CCDC141: variants seen among roughly 807,000 people sequenced by gnomAD.
The protein encoded by CCDC141 is coiled-coil domain-containing protein 141.
Under a neutral mutation model 181.0 loss-of-function variants are expected in CCDC141, and 168 were observed. The observed-to-expected ratio is 0.93, with a 90% CI of 0.82 to 1.05. The LOEUF (loss-of-function observed/expected upper bound fraction) is 1.05, where lower values mean the gene tolerates loss of function less well. Among genes scored for constraint, CCDC141 ranks in the 50% least tolerant of loss-of-function variants. CCDC141 has a pLI of 0.00. For synonymous variants in CCDC141, 666 were observed against 642.3 expected, an observed-to-expected ratio of 1.04 and a Z score of -0.56; for missense variants, 1,902 against 1,788.5, an observed-to-expected ratio of 1.06 and a Z score of -1.14.
intron 5 of CCDC141, among the ~76,000 whole-genome samples, chr2:178,951,179 G>T (rs1276592567): frequency 2.0e-5 from 3 of 152,188 alleles, no homozygotes; most frequent in Admixed American, 1.3e-4. Flanking sequence ...CCAGTGTCTT[G>T]GCAATGTGTA....
chr2:179,024,734 T>C (rs2042784773), intron 2 of CCDC141, among the ~76,000 whole-genome samples: 1 of 152,210 alleles, frequency 6.6e-6, no homozygotes, highest in African/African-American at 2.4e-5. Flanking sequence ...AGAATTTCCT[T>C]TTCTCCAAAT....
chr2:178,909,199 A>C (rs753090162), intron 7 of CCDC141, among the ~76,000 whole-genome samples: 1 of 152,186 alleles, frequency 6.6e-6, no homozygotes, highest in African/African-American at 2.4e-5. Context: ...AAATTGAAAG[A>C]CTAAGCATTC....
At chr2:178,994,277 T>G (rs1038708409) in intron 2 of CCDC141, among the ~76,000 whole-genome samples, 3 of 152,216 alleles carry the variant, frequency 2.0e-5, no homozygotes, top group Non-Finnish European at 2.9e-5. Context: ...TTTCCATACA[T>G]CTGCTGAAGT....
At chr2:178,958,168 A>G (rs1046531037) in intron 5 of CCDC141, among the ~76,000 whole-genome samples, 1 of 152,212 alleles carries the variant, frequency 6.6e-6, no homozygotes, top group Non-Finnish European at 1.5e-5. Flanking sequence ...ACGGAGGATT[A>G]TTAGGGCAGT....
At chr2:178,948,724 C>G (rs1469375124) in intron 5 of CCDC141, among the ~76,000 whole-genome samples, 3 of 152,242 alleles carry the variant, frequency 2.0e-5, no homozygotes, top group Non-Finnish European at 4.4e-5. Flanking sequence ...TCCCAGCAGA[C>G]CTGGTTGTTA....
rs1397124695 is a variant in CCDC141, at chr2:179,012,445, TAAC to T, written c.226-33773_226-33771del. On this transcript the variant is annotated intron_variant, in intron 2 of 23. Transcript: ENST00000443758. ...GAAAAATTAGATACCCTGAACAGAC[TAAC>T]AACAAGCAGTGAGATTGAAATGGTA... is the stretch of plus-strand genomic sequence containing the variant. 4.6e-5 allele frequency among the ~76,000 whole-genome samples: 7 copies of T among 151,992 alleles called. No homozygotes were observed. In the East Asian group the frequency reaches 1.4e-3, roughly 29 times the overall value.
At chr2:178,821,581 G>A in the CCDC141 span, among the ~76,000 whole-genome samples, 1 of 152,192 alleles carries the variant, frequency 6.6e-6, no homozygotes, top group African/African-American at 2.4e-5. Flanking sequence ...GAGGGTCAAA[G>A]ATTTTAGTGG....
intron 3 of CCDC141, among the ~76,000 whole-genome samples, chr2:178,976,287 C>G (rs1341165181): frequency 6.6e-6 from 1 of 152,130 alleles, no homozygotes; most frequent in Non-Finnish European, 1.5e-5. Context: ...GGAAAAGTAT[C>G]AGACATAGAA....
intron 4 of CCDC141, among the ~76,000 whole-genome samples, chr2:178,969,730 T>C (rs556807837): frequency 6.6e-6 from 1 of 152,284 alleles, no homozygotes; most frequent in African/African-American, 2.4e-5. Flanking sequence ...AAAGATGTCC[T>C]CTCTCAACAC....
intron 8 of CCDC141, among the ~76,000 whole-genome samples, chr2:178,890,019 C>G (rs953341554): frequency 6.6e-6 from 1 of 152,040 alleles, no homozygotes; most frequent in African/African-American, 2.4e-5. Context: ...GCTCAAAAGG[C>G]ATTTAAAAGC....
chr2:178,879,458 A>C (rs1021122394), intron 11 of CCDC141, among the ~76,000 whole-genome samples: 27 of 152,176 alleles, frequency 1.8e-4, no homozygotes, highest in African/African-American at 6.3e-4. Flanking sequence ...ACATGCCTCT[A>C]TGTTTTGCTG....
intron 7 of CCDC141, among the ~76,000 whole-genome samples, chr2:178,910,389 T>C (rs1688168648): frequency 2.0e-5 from 3 of 152,176 alleles, no homozygotes; most frequent in African/African-American, 7.2e-5. Context: ...ACGAGTCTAG[T>C]GGCTGGAGAG....
intron 2 of CCDC141, among the ~76,000 whole-genome samples, chr2:178,991,540 A>C (rs1575317121): frequency 6.6e-6 from 1 of 152,188 alleles, no homozygotes; most frequent in South Asian, 2.1e-4. Flanking sequence ...CTAGGAGGGT[A>C]AGAAGGAAGA....
At chr2:179,025,211 G>A (rs981793826) in intron 2 of CCDC141, among the ~76,000 whole-genome samples, 2 of 151,778 alleles carry the variant, frequency 1.3e-5, no homozygotes, top group Non-Finnish European at 2.9e-5. Context: ...ATTTTGTCAC[G>A]CAGGTAATCA....
chr2:178,978,702 G>A (rs1429885914), intron 2 of CCDC141, 27 bp from the exon 3 acceptor site: 14 of 1,468,222 alleles, frequency 9.5e-6, no homozygotes, highest in Non-Finnish European at 1.2e-5. Flanking sequence ...AAGGCATAAG[G>A]CAGGGTGTTA....
chr2:179,026,025 A>G (rs2042833830), intron 2 of CCDC141, among the ~76,000 whole-genome samples: 1 of 152,248 alleles, frequency 6.6e-6, no homozygotes, highest in Admixed American at 6.5e-5. Flanking sequence ...AAAGGCCTTC[A>G]GTTTTATAAG....
intron 5 of CCDC141, among the ~76,000 whole-genome samples, chr2:178,946,174 C>T (rs1689724188): frequency 6.6e-6 from 1 of 152,070 alleles, no homozygotes; most frequent in Non-Finnish European, 1.5e-5. Flanking sequence ...GCACAAAATA[C>T]ACATTATCTA....
intron 7 of CCDC141, 37 bp from the exon 8 acceptor site, chr2:178,905,538 T>C (rs1687924808): frequency 6.6e-7 from 1 of 1,519,582 alleles, no homozygotes; most frequent in Non-Finnish European, 8.8e-7. Context: ...TCTGCTTCTC[T>C]AGTTTAAAAT....
intron 4 of CCDC141, among the ~76,000 whole-genome samples, chr2:178,962,117 A>T (rs765322529): frequency 5.3e-5 from 8 of 152,188 alleles, no homozygotes; most frequent in Non-Finnish European, 1.2e-4. Context: ...AAATCACAGG[A>T]TAATGAAGCA....
Sources: gnomAD v4.1 joint callset for allele counts (sites outside exome capture counted in the v4.1 genomes callset) on GRCh38, gnomAD v4.1.1 for gene constraint, MANE v1.5 for transcripts, NCBI Gene and HGNC (gene_info 2026-07-23, HGNC 2026-07-21) for gene names.